MFN1: variants seen among roughly 807,000 people sequenced by gnomAD.
The protein encoded by MFN1 is mitofusin 1.
A neutral mutation model predicts 92.4 loss-of-function variants in MFN1; 65 were observed. The observed-to-expected ratio is 0.70, with a 90% CI of 0.58 to 0.86. The LOEUF (loss-of-function observed/expected upper bound fraction) is 0.86. MFN1 is among the 40% of genes least tolerant of loss of function. The pLI is 0.00. For synonymous variants in MFN1, 297 were observed against 300.9 expected (o/e 0.99, Z 0.13); for missense variants, 781 against 868.0 (o/e 0.90, Z 1.26).
rs112394579 is a variant in MFN1 at position 179,378,715 on chromosome 3, A to G, written c.1563A>G (p.Val521=). 6 of 1,613,774 alleles carry G rather than the reference A, an allele frequency of 3.7e-6. No individual in the cohort carries two copies. The African/African-American group carries it at 4.0e-5, about 11-fold the overall frequency. ...KLCSDFQEDI[V]FRFSLGWSSL... is the part of the protein sequence containing the mutation. ...GTTCAGATTTTCAAGAGGATATTGT[A>G]TTTCGTTTTTCCCTGGGCTGGTCTT... Residue 521 remains valine (V), a synonymous_variant, in exon 14 of 18, where the codon GTA becomes GTG. Transcript: ENST00000471841.
At chr3:179,379,246 C>T (rs112393146) in intron 14 of MFN1, among the ~76,000 whole-genome samples, 36 of 152,340 alleles carry the variant, frequency 2.4e-4, no homozygotes, top group Non-Finnish European at 4.4e-4. Context: ...AGCATTTTCC[C>T]CATGATGCCC....
intron 16 of MFN1, among the ~76,000 whole-genome samples, chr3:179,388,088 C>T (rs966940189): frequency 1.4e-4 from 21 of 151,728 alleles, no homozygotes; most frequent in African/African-American, 4.6e-4. Flanking sequence ...AAGGTTTCAC[C>T]ATGTTGGCCA....
chr3:179,378,569 A>G lies in MFN1; in HGVS notation c.1433-16A>G. ...TACCATTCTTATCTTAAGTGTTGTA[A>G]TTTTGTTCTTTCTAGAAAATTTGAA... On this transcript the variant is annotated splice_polypyrimidine_tract_variant and intron_variant, in intron 13 of 17. Coordinates refer to ENST00000471841, the MANE Select transcript of MFN1 (RefSeq NM_033540.3). The G allele has an allele frequency of 6.3e-7, 1 of 1,589,912 alleles. No individual in the cohort carries two copies. Among genetic ancestry groups the G allele is most frequent in the South Asian group, 1.1e-5 (1 of 89,444 alleles).
At chr3:179,389,342 C>G (rs1312710761) in intron 16 of MFN1, among the ~76,000 whole-genome samples, 5 of 152,162 alleles carry the variant, frequency 3.3e-5, no homozygotes, top group Admixed American at 2.0e-4. Flanking sequence ...GCCTCCCACG[C>G]AGCAGTTCAT....
intron 17 of MFN1, among the ~76,000 whole-genome samples, 158 bp from the exon 18 acceptor site, chr3:179,391,823 C>G (rs763588495): frequency 5.9e-5 from 9 of 152,178 alleles, no homozygotes; most frequent in Non-Finnish European, 8.8e-5. Context: ...AATCATGACT[C>G]TAGGTAACTT....
intron 16 of MFN1, among the ~76,000 whole-genome samples, chr3:179,389,545 C>T (rs544967362): frequency 6.6e-6 from 1 of 152,118 alleles, no homozygotes; most frequent in African/African-American, 2.4e-5. Context: ...AGGTATGCTC[C>T]CATTTAAAAA....
Position 179,365,189 on chromosome 3 carries a change from G to A in MFN1, c.717G>A (p.Trp239Ter). The change falls in exon 7 of 18, where the codon TGG becomes TGA. Residue 239 changes from tryptophan (W) to a stop codon, truncating the protein, a stop_gained. Transcript: ENST00000471841. LOFTEE classifies it high-confidence loss of function. ...ATATTTTCATTCTCAATAATCGTTG[G>A]GATGCCTCTGCATCAGAGCCAGAAT... Reference protein sequence around the residue: ...KPNIFILNNRWDASASEPEYM... With the variant: ...KPNIFILNNR 6.4e-7 allele frequency: 1 copy of A among 1,551,384 alleles called. No individual in the cohort carries two copies. The highest frequency in any genetic ancestry group is 8.6e-7 in the Non-Finnish European group (1 of 1,158,218).
In MFN1 at chr3:179,386,640, A is replaced by G. The variant is rs1161559052; in HGVS notation, c.2012+11A>G. The G allele has an allele frequency of 6.3e-7, 1 of 1,594,332 alleles. No homozygotes were observed. On this transcript the variant is annotated intron_variant, in intron 16 of 17. Coordinates refer to ENST00000471841, the MANE Select transcript of MFN1 (RefSeq NM_033540.3). ...TCACCAAGTAAAACAGTAAGTTGGA[A>G]GGTGCATCTTTCCTTTAAAAAAAAG...
chr3:179,357,706 G>A (rs1054350458), intron 3 of MFN1, among the ~76,000 whole-genome samples: 5 of 152,258 alleles, frequency 3.3e-5, no homozygotes, highest in African/African-American at 1.2e-4. Context: ...GCCATCAAAA[G>A]TGTCCTTTTT....
intron 1 of MFN1, 77 bp from the exon 2 acceptor site, chr3:179,348,768 A>T (rs947847019): frequency 1.3e-6 from 2 of 1,539,806 alleles, no homozygotes; most frequent in Non-Finnish European, 1.8e-6. Flanking sequence ...GAGTTGATGA[A>T]TGTCACTGGT....
chr3:179,348,634 G>C, intron 1 of MFN1: 1 of 577,670 alleles, frequency 1.7e-6, no homozygotes, highest in Non-Finnish European at 2.6e-6. Context: ...CCAAGATTTT[G>C]GCTAATAGAT....
At chr3:179,370,190 A>G (rs1456357985) in intron 9 of MFN1, among the ~76,000 whole-genome samples, 1 of 152,028 alleles carries the variant, frequency 6.6e-6, no homozygotes, top group Non-Finnish European at 1.5e-5. Context: ...CTGAACATTT[A>G]TAATTTAGTA....
chr3:179,378,691 T>C lies in MFN1; in HGVS notation c.1539T>C (p.Cys513=). The C allele has an allele frequency of 6.2e-7, 1 of 1,613,974 alleles. No individual in the cohort carries two copies. The highest frequency in any genetic ancestry group is 8.5e-7 in the Non-Finnish European group (1 of 1,179,868). Residue 513 remains cysteine, a synonymous_variant, in exon 14 of 18, where the codon TGT becomes TGC. Transcript: ENST00000471841. The part of the protein sequence containing the change: ...LSYNLNYHKL[C]SDFQEDIVFR... The stretch of plus-strand genomic sequence containing the variant: ...ATAATCTAAATTACCACAAGTTATG[T>C]TCAGATTTTCAAGAGGATATTGTAT...
At chr3:179,362,271 G>A in intron 4 of MFN1, 87 bp from the exon 5 acceptor site, 1 of 1,310,018 alleles carries the variant, frequency 7.6e-7, no homozygotes, top group African/African-American at 1.5e-5. Context: ...TACCTGTTTT[G>A]CTAAAATAAA....
At chr3:179,373,385 GC>G (rs1404783069) in intron 9 of MFN1, among the ~76,000 whole-genome samples, 2 of 152,110 alleles carry the variant, frequency 1.3e-5, no homozygotes, top group Non-Finnish European at 2.9e-5. Flanking sequence ...TTAAGTAAAT[GC>G]CTTTTGAAGC....
rs748305038 is a variant in MFN1 at position 179,368,075 on chromosome 3, A to C, written c.947A>C (p.Glu316Ala). ...GAAGGATTTCATGCAAGATTACAGG[A>C]ATTTCAGAATTTTGAACAAATCTTT... ...LAEGFHARLQ[E>A]FQNFEQIFEE... The change falls in exon 9 of 18, where the codon GAA becomes GCA. Residue 316 changes from glutamate to alanine, a missense_variant. Glu to Ala is a moderately radical substitution (Grantham distance 107, BLOSUM62 -1). Coordinates refer to ENST00000471841, the MANE Select transcript of MFN1 (RefSeq NM_033540.3). 6.4e-7 allele frequency: 1 copy of C among 1,574,208 alleles called. No homozygotes were observed. The highest frequency in any genetic ancestry group is 2.4e-5 in the East Asian group (1 of 42,014).
rs781571302 is a variant in MFN1 at position 179,358,944 on chromosome 3, C to T, written c.353C>T (p.Thr118Ile). The T allele has an allele frequency of 6.2e-7, 1 of 1,613,912 alleles. No homozygotes were observed. The highest frequency in any genetic ancestry group is 2.2e-5 in the East Asian group (1 of 44,834). Residue 118 changes from threonine (T) to isoleucine (I), a missense_variant, in exon 4 of 18, where the codon ACT (threonine) becomes ATT (isoleucine). Transcript: ENST00000471841. ...ITNCFLSVEGTDGDKAYLMTE... is the reference protein window; with the variant it reads ...ITNCFLSVEGIDGDKAYLMTE... ...AATTGCTTCCTAAGTGTTGAAGGAACTGATGGAGATAAAGCCTATCTTATG... is the reference window on the plus strand; with the variant it reads ...AATTGCTTCCTAAGTGTTGAAGGAATTGATGGAGATAAAGCCTATCTTATG...
chr3:179,352,666 C>T (rs6804758), intron 3 of MFN1, among the ~76,000 whole-genome samples: 78,929 of 151,826 alleles, frequency 0.52, 21,988 homozygotes, highest in African/African-American at 0.73. Context: ...TAATAGAAAC[C>T]CCTCTTACCC....
At chr3:179,380,838 G>A (rs935104601) in intron 14 of MFN1, among the ~76,000 whole-genome samples, 2 of 152,152 alleles carry the variant, frequency 1.3e-5, no homozygotes, top group African/African-American at 4.8e-5. Context: ...GCCAGCACTT[G>A]GAAGACAGTG....
Sources: gnomAD v4.1 joint callset for allele counts (sites outside exome capture counted in the v4.1 genomes callset) on GRCh38, gnomAD v4.1.1 for gene constraint, MANE v1.5 for transcripts, NCBI Gene and HGNC (gene_info 2026-07-23, HGNC 2026-07-21) for gene names.